The following LYPD1 variants were observed in gnomAD, a reference collection of about 807,000 sequenced individuals.
The protein encoded by LYPD1 is ly6/PLAUR domain-containing protein 1.
Under a neutral mutation model 14.2 loss-of-function variants are expected in LYPD1, and 14 were observed. The observed-to-expected ratio is 0.99, with a 90% CI of 0.65 to 1.54. LYPD1 has a LOEUF of 1.54. Among genes scored for constraint, LYPD1 ranks in the 40% most tolerant of loss-of-function variants. The pLI is 0.00. For missense variants in LYPD1, 165 were observed against 175.7 expected (o/e 0.94, Z 0.34); for synonymous variants, 85 against 70.6 (o/e 1.20, Z -1.02).
In LYPD1 at chr2:132,645,165, G is replaced by C; in HGVS notation, c.*880C>G. 6.2e-7 allele frequency: 1 copy of C among 1,614,136 alleles called. No individual in the cohort carries two copies. Among genetic ancestry groups the C allele is most frequent in the East Asian group, 2.2e-5 (1 of 44,872 alleles). ...ACCAGATTCGGAGGATCATGGCTGC[G>C]GCCAAACCCAAGCACGACTGGACGA... On this transcript the variant is annotated 3_prime_UTR_variant, in exon 3 of 3. Transcript: ENST00000397463.
Position 132,660,238 on chromosome 2 carries a change from C to A in LYPD1, c.190+8162G>T, listed in dbSNP as rs192289892. On this transcript the variant is annotated intron_variant, in intron 2 of 2. Coordinates refer to ENST00000397463, the MANE Select transcript of LYPD1 (RefSeq NM_144586.7). ...TAATACAACTTTATCACTTTTGCAT[C>A]TGATCCTGCTCATGGTTTGCAAAGT... Among the ~76,000 whole-genome samples the A allele has an allele frequency of 5.3e-5, 8 of 152,368 alleles. No homozygotes were observed. In the East Asian group the frequency reaches 1.5e-3, roughly 29 times the overall value.
intron 2 of LYPD1, among the ~76,000 whole-genome samples, chr2:132,667,754 G>C (rs1488688480): frequency 5.9e-5 from 9 of 152,162 alleles, no homozygotes; most frequent in Non-Finnish European, 1.2e-4. Context: ...TCAGTGAGAA[G>C]ATTCTTGGTC....
At chr2:132,649,969 A>C (rs982594479) in intron 2 of LYPD1, among the ~76,000 whole-genome samples, 2 of 152,180 alleles carry the variant, frequency 1.3e-5, no homozygotes, top group African/African-American at 4.8e-5. Flanking sequence ...TAGACTACAC[A>C]CACACCCACA....
At chr2:132,650,005 T>C (rs1371065791) in intron 2 of LYPD1, among the ~76,000 whole-genome samples, 1 of 151,992 alleles carries the variant, frequency 6.6e-6, no homozygotes, top group African/African-American at 2.4e-5. Context: ...AATCCCTATA[T>C]GTAAGACAAA....
intron 2 of LYPD1, among the ~76,000 whole-genome samples, chr2:132,647,816 GTGGTTT>G (rs760559420): frequency 1.4e-4 from 21 of 152,212 alleles, no homozygotes; most frequent in Non-Finnish European, 1.0e-4. Flanking sequence ...GTGGGCAGGT[GTGGTTT>G]TGGTTTTGGC....
Position 132,669,928 on chromosome 2 carries a change from C to A in LYPD1, c.5G>T (p.Trp2Leu), listed in dbSNP as rs1683556656. 2 of 1,612,500 alleles carry A rather than the reference C, an allele frequency of 1.2e-6. No homozygotes were observed. The highest frequency in any genetic ancestry group is 1.3e-5 in the African/African-American group (1 of 74,780). Residue 2 changes from tryptophan to leucine, a missense_variant, in exon 1 of 3, where the codon TGG (tryptophan) becomes TTG (leucine). Transcript: ENST00000397463. This position sits in a 1 kb window ranked among gnomAD's most constrained non-coding sequence, Gnocchi z 4.3. The part of the protein sequence containing the change: M[W>L]VLGIAATFCG... ...AAAAGTTGCCGCGATGCCTAGGACC[C>A]ACATTCTCCCGGAGTCCCGGGGCCG... is the stretch of plus-strand genomic sequence containing the variant.
At chr2:132,665,750 T>C (rs935706214) in intron 2 of LYPD1, among the ~76,000 whole-genome samples, 32 of 152,138 alleles carry the variant, frequency 2.1e-4, no homozygotes, top group African/African-American at 7.5e-4. Context: ...CCAGAATCAT[T>C]GGGAAGTTTA....
intron 2 of LYPD1, among the ~76,000 whole-genome samples, chr2:132,651,083 AAG>A (rs1483492065): frequency 6.6e-6 from 1 of 152,210 alleles, no homozygotes; most frequent in Non-Finnish European, 1.5e-5. Context: ...ATACACAAAA[AAG>A]AGATAATATT....
intron 2 of LYPD1, among the ~76,000 whole-genome samples, chr2:132,652,152 T>A (rs1682383601): frequency 6.6e-6 from 1 of 152,222 alleles, no homozygotes; most frequent in Admixed American, 6.5e-5. Context: ...AGATGCTTCC[T>A]TCCCTTCATC....
At chr2:132,648,265 T>G (rs781380286) in intron 2 of LYPD1, among the ~76,000 whole-genome samples, 3 of 146,732 alleles carry the variant, frequency 2.0e-5, no homozygotes, top group Admixed American at 6.8e-5. Flanking sequence ...ATTTTTAAAC[T>G]TTTAAAAAAA....
rs1681952055 is a variant in LYPD1, at chr2:132,644,598, T to C, written c.*1447A>G. On this transcript the variant is annotated 3_prime_UTR_variant, in exon 3 of 3. Transcript: ENST00000397463. ...TGAATGCAAAACCAGTGTCATTAAA[T>C]ATGCTGCTTTGTTGCCAAAGGGACA... Among the ~76,000 whole-genome samples the C allele has an allele frequency of 6.6e-6, 1 of 152,260 alleles. No homozygotes were observed. The highest frequency in any genetic ancestry group is 2.4e-5 in the African/African-American group (1 of 41,482).
At chr2:132,654,376 C>T (rs543347590) in intron 2 of LYPD1, among the ~76,000 whole-genome samples, 11 of 144,258 alleles carry the variant, frequency 7.6e-5, no homozygotes, top group Middle Eastern at 3.5e-3. Flanking sequence ...ACTCCAGCCT[C>T]GTGACAGAGT....
chr2:132,660,945 C>G (rs1045497772), intron 2 of LYPD1, among the ~76,000 whole-genome samples: 19 of 152,184 alleles, frequency 1.2e-4, no homozygotes, highest in African/African-American at 4.3e-4. Flanking sequence ...CCTCTCTCAA[C>G]CTGCTTTATC....
At chr2:132,648,420 C>G (rs1282361806) in intron 2 of LYPD1, among the ~76,000 whole-genome samples, 1 of 152,232 alleles carries the variant, frequency 6.6e-6, no homozygotes, top group Non-Finnish European at 1.5e-5. Context: ...TTCTTCCAGG[C>G]TGGTTTCTGT....
chr2:132,654,517 G>A (rs1242682993), intron 2 of LYPD1, among the ~76,000 whole-genome samples: 3 of 152,128 alleles, frequency 2.0e-5, no homozygotes, highest in Non-Finnish European at 4.4e-5. Context: ...CTGAGTAATA[G>A]GGTGAGTGCA....
intron 2 of LYPD1, among the ~76,000 whole-genome samples, chr2:132,661,350 C>G (rs1254143533): frequency 1.3e-5 from 2 of 152,234 alleles, no homozygotes; most frequent in Admixed American, 6.5e-5. Flanking sequence ...GCCGAAAACT[C>G]ACTGGAATGG....
rs1298878523 is a variant in LYPD1 at position 132,669,881 on chromosome 2, C to T, written c.52G>A (p.Gly18Ser). Residue 18 changes from glycine to serine, a missense_variant and splice_region_variant, in exon 1 of 3, where the codon GGC becomes AGC. Gly to Ser is a moderately conservative substitution (Grantham distance 56). Transcript: ENST00000397463. This position sits in a 1 kb window ranked among gnomAD's most constrained non-coding sequence, Gnocchi z 4.3. ...ATFCGLFLLP[G>S]FALQIQCYQC... ...GCTGCTGGCCTCTGGGTATTCTCAC[C>T]TGGAAGCAAGAACAATCCGCAAAAA... 3.1e-6 allele frequency: 5 copies of T among 1,612,706 alleles called. No individual in the cohort carries two copies. The highest frequency in any genetic ancestry group is 4.2e-6 in the Non-Finnish European group (5 of 1,179,356).
intron 2 of LYPD1, among the ~76,000 whole-genome samples, chr2:132,648,699 T>C (rs76217860): frequency 0.015 from 2,294 of 152,228 alleles, 63 homozygotes; most frequent in African/African-American, 0.053. Context: ...CAATTTATCT[T>C]CATAAGGAAA....
intron 2 of LYPD1, among the ~76,000 whole-genome samples, chr2:132,654,868 C>T (rs1682498638): frequency 1.3e-5 from 2 of 152,052 alleles, no homozygotes; most frequent in South Asian, 4.2e-4. Context: ...CCTGCCTCAG[C>T]CTCCCAAGTA....
Sources: allele counts gnomAD v4.1 joint callset (sites outside exome capture counted in the v4.1 genomes callset), GRCh38; gene constraint gnomAD v4.1.1; non-coding constraint Gnocchi (gnomAD v3.1); transcripts MANE v1.5; gene names NCBI Gene and HGNC (gene_info 2026-07-23, HGNC 2026-07-21).